REXO2: variants seen among roughly 807,000 people sequenced by gnomAD.
The protein encoded by REXO2 is RNA exonuclease 2.
A neutral mutation model predicts 30.9 loss-of-function variants in REXO2; 17 were observed. The ratio of observed to expected loss-of-function variants is 0.55; its 90% CI spans 0.38 to 0.82. REXO2 has a LOEUF of 0.82. Among genes scored for constraint, REXO2 ranks in the 40% least tolerant of loss-of-function variants. The pLI is 0.00. For synonymous variants in REXO2, 105 were observed against 99.6 expected (o/e 1.05, Z -0.32); for missense variants, 253 against 293.2 (o/e 0.86, Z 1.00).
chr11:114,448,145 C>T (rs1332749404), intron 6 of REXO2, among the ~76,000 whole-genome samples: 1 of 152,110 alleles, frequency 6.6e-6, no homozygotes, highest in Non-Finnish European at 1.5e-5. Flanking sequence ...TGTAATCTTT[C>T]TAGTAATGAA....
At chr11:114,443,814 T>C (rs1437250811) in intron 2 of REXO2, 42 bp from the exon 3 acceptor site, 1 of 1,428,026 alleles carries the variant, frequency 7.0e-7, no homozygotes, top group African/African-American at 1.4e-5. Flanking sequence ...GTAAGGTTAT[T>C]CCTGTTGTTT....
At chr11:114,443,791 T>G in intron 2 of REXO2, 65 bp from the exon 3 acceptor site, 2 of 1,208,914 alleles carry the variant, frequency 1.7e-6, no homozygotes, top group South Asian at 2.6e-5. Context: ...CAGCTTAAGC[T>G]TTCCCTCTGA....
At position 114,440,767 on chromosome 11, in the gene REXO2, A is replaced by G. The variant is rs578187052; in HGVS notation, c.231+28A>G. On this transcript the variant is annotated intron_variant, in intron 2 of 6. Coordinates refer to ENST00000265881, the MANE Select transcript of REXO2 (RefSeq NM_015523.4). ...ACGTGATGCCATGTAATACAGTCAT[A>G]CTTTTTAAAGGGCACTGGAAATATA... 5 of 1,507,214 alleles carry G rather than the reference A, an allele frequency of 3.3e-6. No homozygotes were observed. In the African/African-American group the frequency reaches 6.9e-5, roughly 21 times the overall value. The allele number at this position is 1,507,214 out of a possible 1,614,324, so 93.4% of individuals were successfully genotyped here. A position where few individuals can be genotyped will look rare whatever the true frequency, so the allele number is the denominator to read the frequency against.
chr11:114,444,999 A>T (rs912506018), intron 4 of REXO2: 2 of 159,740 alleles, frequency 1.3e-5, no homozygotes, highest in East Asian at 3.6e-4. Flanking sequence ...ATTTTAAAGG[A>T]AATTGCAGGC....
Position 114,443,904 on chromosome 11 carries a change from T to C in REXO2, c.280T>C (p.Ser94Pro). 1 of 1,609,502 alleles carries C rather than the reference T, an allele frequency of 6.2e-7. No individual in the cohort carries two copies. Among genetic ancestry groups the C allele is most frequent in the Non-Finnish European group, 8.5e-7 (1 of 1,177,920 alleles). Residue 94 changes from serine (S) to proline (P), a missense_variant, in exon 3 of 7, where the codon TCA becomes CCA. Coordinates refer to ENST00000265881, the MANE Select transcript of REXO2 (RefSeq NM_015523.4). Reference protein sequence around the residue: ...KQPDELLDSMSDWCKEHHGKS... With the variant: ...KQPDELLDSMPDWCKEHHGKS... Reference sequence around the variant, plus strand: ...ACCAGATGAGTTGCTGGACAGCATGTCAGATTGGTGTAAGGAGCATCACGG... The same window carrying C: ...ACCAGATGAGTTGCTGGACAGCATGCCAGATTGGTGTAAGGAGCATCACGG...
rs940326080 is a variant in REXO2 at position 114,441,691 on chromosome 11, C to G, written c.231+952C>G. On this transcript the variant is annotated intron_variant, in intron 2 of 6. Coordinates refer to ENST00000265881, the MANE Select transcript of REXO2 (RefSeq NM_015523.4). ...GGGTAGCATTGATATGTTACTGGCACTGGATACATTTCGTAAATCTGCAGT... is the reference window on the plus strand; with the variant it reads ...GGGTAGCATTGATATGTTACTGGCAGTGGATACATTTCGTAAATCTGCAGT... 1.1e-5 allele frequency: 8 copies of G among 701,570 alleles called. No homozygotes were observed. In the African/African-American group the frequency reaches 1.4e-4, roughly 12 times the overall value. 43.5% of individuals were successfully genotyped at this position (701,570 alleles called of 1,614,324 possible).
chr11:114,445,452 TAA>T (rs1946505450), intron 4 of REXO2: 1 of 153,918 alleles, frequency 6.5e-6, no homozygotes, highest in Non-Finnish European at 1.4e-5. Context: ...ATATATTGTG[TAA>T]ATGTTTCCGC....
rs1372890977 is a variant in REXO2 at position 114,440,045 on chromosome 11, AG to A, written c.147+372del. ...CCCAACTAAATCCTTAAAGGACCCT[AG>A]GTTGTTAGGGCCAGACGGGACTCCG... is the stretch of plus-strand genomic sequence containing the variant. On this transcript the variant is annotated intron_variant, in intron 1 of 6. Transcript: ENST00000265881. 3.7e-5 allele frequency: 18 copies of A among 480,994 alleles called. No individual in the cohort carries two copies. The East Asian group carries it at 9.7e-4, about 26-fold the overall frequency. The allele number at this position is 480,994 out of a possible 1,614,324, so 29.8% of individuals were successfully genotyped here.
At chr11:114,449,561 C>T (rs1946532445) in intron 6 of REXO2, among the ~76,000 whole-genome samples, 1 of 151,674 alleles carries the variant, frequency 6.6e-6, no homozygotes. Flanking sequence ...CTTATTTGAC[C>T]GTGGAATTAT....
At chr11:114,444,209 T>G (rs1199747820) in intron 3 of REXO2, 2 of 610,396 alleles carry the variant, frequency 3.3e-6, no homozygotes, top group Non-Finnish European at 6.1e-6. Flanking sequence ...GTCTTTTGGA[T>G]AAGGTTAGAC....
intron 2 of REXO2, 103 bp from the exon 3 acceptor site, chr11:114,443,753 C>A: frequency 1.3e-6 from 1 of 779,464 alleles, no homozygotes; most frequent in Non-Finnish European, 2.1e-6. Context: ...CTCTTACTTT[C>A]TCTGATATGT....
At chr11:114,442,936 T>C (rs573843728) in intron 2 of REXO2, among the ~76,000 whole-genome samples, 1 of 152,328 alleles carries the variant, frequency 6.6e-6, no homozygotes, top group African/African-American at 2.4e-5. Context: ...AAAGTATGTG[T>C]GTAGTGAACT....
At chr11:114,447,087 C>T (rs949979789) in intron 5 of REXO2, among the ~76,000 whole-genome samples, 3 of 151,992 alleles carry the variant, frequency 2.0e-5, no homozygotes, top group Non-Finnish European at 4.4e-5. Flanking sequence ...TACAGGCGCC[C>T]GCCACTGCGC....
At position 114,440,685 on chromosome 11, in the gene REXO2, G is replaced by C. The variant is rs774376905; in HGVS notation, c.177G>C (p.Gln59His). The change falls in exon 2 of 7, where the codon CAG becomes CAC. Residue 59 changes from glutamine (Q) to histidine (H), a missense_variant. Transcript: ENST00000265881. ...EMTGLDIEKD[Q>H]IIEMACLITD... ...CAGGATTGGACATTGAGAAGGACCA[G>C]ATTATTGAGATGGCCTGTCTGATAA... 20 of 1,613,708 alleles carry C rather than the reference G, an allele frequency of 1.2e-5. No homozygotes were observed. In the South Asian group the frequency reaches 2.0e-4, roughly 16 times the overall value.
At chr11:114,447,546 TG>T (rs1946517350) in intron 5 of REXO2, among the ~76,000 whole-genome samples, 1 of 151,994 alleles carries the variant, frequency 6.6e-6, no homozygotes, top group African/African-American at 2.4e-5. Context: ...GATTTTTAGA[TG>T]GAGATATCTA....
chr11:114,446,061 T>C lies in REXO2; in HGVS notation c.504T>C (p.Asp168=), dbSNP rs2134786235. Residue 168 remains aspartate (D), a synonymous_variant, in exon 5 of 7, where the codon GAT becomes GAC. Coordinates refer to ENST00000265881, the MANE Select transcript of REXO2 (RefSeq NM_015523.4). The part of the protein sequence containing the change: ...FMKHLHYRII[D]VSTVKELCRR... Reference sequence around the variant, plus strand: ...AACATCTTCATTATAGAATAATTGATGTGAGCACTGTTAAAGAACTGTGCA... The same window carrying C: ...AACATCTTCATTATAGAATAATTGACGTGAGCACTGTTAAAGAACTGTGCA... The C allele has an allele frequency of 6.3e-7, 1 of 1,597,668 alleles. No individual in the cohort carries two copies. Among genetic ancestry groups the C allele is most frequent in the East Asian group, 2.2e-5 (1 of 44,672 alleles).
At chr11:114,446,119 C>A in intron 5 of REXO2, 32 bp downstream of exon 5, 2 of 1,148,484 alleles carry the variant, frequency 1.7e-6, no homozygotes, top group Non-Finnish European at 2.5e-6. Context: ...CATTAAATTA[C>A]CTCATTTAGC....
chr11:114,441,309 T>C (rs2134782459), intron 2 of REXO2, among the ~76,000 whole-genome samples: 1 of 152,348 alleles, frequency 6.6e-6, no homozygotes, highest in Admixed American at 6.5e-5. Flanking sequence ...GACTCCATAT[T>C]TACAATTCTG....
Position 114,439,683 on chromosome 11 carries a change from A to G in REXO2, c.147+8A>G. On this transcript the variant is annotated splice_region_variant and intron_variant, in intron 1 of 6. Transcript: ENST00000265881. ...GTCTGGGTGGACCTGGAGGTGAGTG[A>G]GGTCGGCGGGGGGCTTGGGGAGGCG... 5 of 1,493,276 alleles carry G rather than the reference A, an allele frequency of 3.3e-6. No homozygotes were observed. The highest frequency in any genetic ancestry group is 3.6e-6 in the Non-Finnish European group (4 of 1,124,914). The allele number at this position is 1,493,276 out of a possible 1,614,324, so 92.5% of individuals were successfully genotyped here. A position where few individuals can be genotyped will look rare whatever the true frequency, so the allele number is the denominator to read the frequency against.
Sources: allele counts gnomAD v4.1 joint callset (sites outside exome capture counted in the v4.1 genomes callset), GRCh38; gene constraint gnomAD v4.1.1; transcripts MANE v1.5; gene names NCBI Gene and HGNC (gene_info 2026-07-23, HGNC 2026-07-21).